The following PHF21B variants were observed in gnomAD, a reference collection of about 807,000 sequenced individuals.
The protein encoded by PHF21B is PHD finger protein 21B, also known as PHD finger protein 4.
In PHF21B, 22 loss-of-function variants were observed where a neutral mutation model predicts 62.2. The observed-to-expected ratio is 0.35, with a 90% CI of 0.25 to 0.51. The LOEUF is 0.51. Among genes scored for constraint, PHF21B ranks in the 20% least tolerant of loss-of-function variants. The pLI is 0.97. For synonymous variants in PHF21B, 341 were observed against 314.7 expected (o/e 1.08, Z -0.88); for missense variants, 701 against 707.9 (o/e 0.99, Z 0.11).
At chr22:44,914,109 G>C (rs1044221689) in intron 4 of PHF21B, 21 bp from the exon 5 acceptor site, 4 of 664,428 alleles carry the variant, frequency 6.0e-6, no homozygotes, top group African/African-American at 1.8e-5. Context: ...AGGGTGAGGG[G>C]CACAGGGAGG....
chr22:45,007,878 T>C (rs903688678), intron 2 of PHF21B, among the ~76,000 whole-genome samples: 1 of 149,524 alleles, frequency 6.7e-6, no homozygotes, highest in African/African-American at 2.5e-5. Context: ...TAAGTCACAA[T>C]GGACAACTTT....
Position 44,972,509 on chromosome 22 carries a change from G to A in PHF21B, c.120+36036C>T, listed in dbSNP as rs114769991. 3.8e-3 allele frequency among the ~76,000 whole-genome samples: 580 copies of A among 152,170 alleles called. 5 individuals carry two copies. The highest frequency in any genetic ancestry group is 0.013 in the African/African-American group (519 of 41,516). On this transcript the variant is annotated intron_variant, in intron 2 of 12. Coordinates refer to ENST00000313237, the MANE Select transcript of PHF21B (RefSeq NM_138415.5). ...GGCTGCTCAGTGCAATGAGGAAGCC[G>A]GAAACCGAGTGTTGGCGGACGCGGC...
intron 2 of PHF21B, among the ~76,000 whole-genome samples, chr22:44,985,420 C>T (rs2072927957): frequency 6.6e-6 from 1 of 152,028 alleles, no homozygotes; most frequent in East Asian, 1.9e-4. Flanking sequence ...CCAGCCTAGG[C>T]AACAGTGAGA....
At chr22:44,953,526 C>A (rs1043090030) in intron 2 of PHF21B, among the ~76,000 whole-genome samples, 1 of 152,102 alleles carries the variant, frequency 6.6e-6, no homozygotes, top group African/African-American at 2.4e-5. Context: ...CTGCTTGCAG[C>A]CCCAGAGTGG....
At chr22:44,932,870 G>T (rs1409808552) in intron 2 of PHF21B, among the ~76,000 whole-genome samples, 1 of 152,240 alleles carries the variant, frequency 6.6e-6, no homozygotes, top group Non-Finnish European at 1.5e-5. Context: ...CCAGTGAATG[G>T]CACAGAGCTT....
chr22:44,976,089 C>T (rs544523697), intron 2 of PHF21B, among the ~76,000 whole-genome samples: 4 of 152,220 alleles, frequency 2.6e-5, no homozygotes, highest in East Asian at 3.9e-4. Flanking sequence ...GAGGATCACC[C>T]GAGCCCAGGA....
intron 2 of PHF21B, among the ~76,000 whole-genome samples, chr22:44,929,488 T>G (rs1433666292): frequency 6.6e-6 from 1 of 152,180 alleles, no homozygotes; most frequent in Non-Finnish European, 1.5e-5. Context: ...GCCCTGTGCC[T>G]CCTCCAGCCC....
chr22:44,917,018 G>A (rs533920910), intron 3 of PHF21B, among the ~76,000 whole-genome samples: 7 of 152,366 alleles, frequency 4.6e-5, no homozygotes, highest in Non-Finnish European at 1.0e-4. Context: ...GGAAAGCGCT[G>A]CCCCTCGGCA....
At chr22:44,900,671 T>G (rs2071142125) in intron 5 of PHF21B, among the ~76,000 whole-genome samples, 1 of 152,220 alleles carries the variant, frequency 6.6e-6, no homozygotes, top group South Asian at 2.1e-4. Flanking sequence ...ATCCTTGGCT[T>G]GTTCTTTCTT....
chr22:44,916,927 G>C (rs562846031), intron 3 of PHF21B, among the ~76,000 whole-genome samples: 1 of 152,316 alleles, frequency 6.6e-6, no homozygotes, highest in African/African-American at 2.4e-5. Flanking sequence ...CAGCGCTTGG[G>C]CGCGAGGGGA....
chr22:44,884,594 C>T (rs1427044941), intron 12 of PHF21B, among the ~76,000 whole-genome samples: 1 of 150,764 alleles, frequency 6.6e-6, no homozygotes, highest in Admixed American at 6.6e-5. Flanking sequence ...TCAGCACCAT[C>T]AACACCACCA....
chr22:44,997,902 T>C (rs16991954), intron 2 of PHF21B, among the ~76,000 whole-genome samples: 11,779 of 152,256 alleles, frequency 0.077, 560 homozygotes, highest in South Asian at 0.11. Context: ...CCCTTCCAAA[T>C]TGCCATCTCT....
chr22:44,931,671 G>A (rs2071745806), intron 2 of PHF21B, among the ~76,000 whole-genome samples: 1 of 151,970 alleles, frequency 6.6e-6, no homozygotes, highest in African/African-American at 2.4e-5. Context: ...TGGTTGTGAG[G>A]TCCCCCGTGA....
intron 5 of PHF21B, among the ~76,000 whole-genome samples, chr22:44,903,055 TC>T: frequency 6.6e-6 from 1 of 152,310 alleles, no homozygotes; most frequent in East Asian, 1.9e-4. Context: ...TCTGCCACCT[TC>T]CCTGTTCCTG....
intron 2 of PHF21B, among the ~76,000 whole-genome samples, chr22:44,948,345 C>T (rs1396783505): frequency 6.6e-6 from 1 of 152,098 alleles, no homozygotes; most frequent in African/African-American, 2.4e-5. Context: ...TGCTTATGTC[C>T]AGTCTACTCC....
rs374413252 is a variant in PHF21B, at chr22:44,993,587, G to T, written c.120+14958C>A. On this transcript the variant is annotated intron_variant, in intron 2 of 12. Coordinates refer to ENST00000313237, the MANE Select transcript of PHF21B (RefSeq NM_138415.5). ...GTGCAGTTGACACACACGCTTCTCC[G>T]CAAGGCAGTCAATCCCCATCACAGG... Among the ~76,000 whole-genome samples, 3 of 152,222 alleles carry T rather than the reference G, an allele frequency of 2.0e-5. No homozygotes were observed. In the East Asian group the frequency reaches 5.8e-4, roughly 29 times the overall value.
chr22:44,923,668 T>G (rs758065682), intron 2 of PHF21B, among the ~76,000 whole-genome samples: 11 of 152,122 alleles, frequency 7.2e-5, no homozygotes, highest in Non-Finnish European at 1.5e-4. Context: ...CTCAATAATC[T>G]GAAAACAAAC....
At chr22:44,889,635 C>T (rs1027774473) in intron 9 of PHF21B, 125 bp downstream of exon 9, 10 of 1,220,006 alleles carry the variant, frequency 8.2e-6, no homozygotes, top group African/African-American at 8.0e-5. Context: ...CACCTAAAGG[C>T]AGAACCGAAA....
At chr22:44,993,684 T>C (rs2073076432) in intron 2 of PHF21B, among the ~76,000 whole-genome samples, 1 of 152,232 alleles carries the variant, frequency 6.6e-6, no homozygotes, top group Non-Finnish European at 1.5e-5. Flanking sequence ...GATGAGCAAC[T>C]TGGACTCTTT....
Sources: allele counts gnomAD v4.1 joint callset (sites outside exome capture counted in the v4.1 genomes callset), GRCh38; gene constraint gnomAD v4.1.1; transcripts MANE v1.5; gene names NCBI Gene and HGNC (gene_info 2026-07-23, HGNC 2026-07-21).